The following ZNF621 variants were observed in gnomAD, a reference collection of about 807,000 sequenced individuals.
ZNF621 encodes zinc finger protein 621.
A neutral mutation model predicts 12.7 loss-of-function variants in ZNF621; 6 were observed. The ratio of observed to expected loss-of-function variants is 0.47; its 90% CI spans 0.26 to 0.93. The LOEUF is 0.93. Among genes scored for constraint, ZNF621 ranks in the 40% least tolerant of loss-of-function variants. ZNF621 has a pLI of 0.15. For synonymous variants in ZNF621, 156 were observed against 190.3 expected, an observed-to-expected ratio of 0.82 and a Z score of 1.48; for missense variants, 474 against 524.0, an observed-to-expected ratio of 0.90 and a Z score of 0.93.
At position 40,529,289 on chromosome 3, in the gene ZNF621, CAG is replaced by C. The variant is rs1323148222; in HGVS notation, c.25-26_25-25del. 3 of 1,609,000 alleles carry C rather than the reference CAG, an allele frequency of 1.9e-6. No homozygotes were observed. In the African/African-American group the frequency reaches 4.0e-5, roughly 22 times the overall value. ...TCCCTTCTTCCTTCTACTTCTCACT[CAG>C]AGATTGAGCAGGAACCTGTTGTTTC... On this transcript the variant is annotated intron_variant, in intron 2 of 4. Coordinates refer to ENST00000339296, the MANE Select transcript of ZNF621 (RefSeq NM_198484.5).
rs1698816406 is a variant in ZNF621, at chr3:40,534,569, G to A, written c.*1479G>A. 3 of 150,620 alleles carry A rather than the reference G, an allele frequency of 2.0e-5. No individual in the cohort carries two copies. The South Asian group carries it at 6.2e-4, about 31-fold the overall frequency. 9.3% of individuals were successfully genotyped at this position (150,620 alleles called of 1,614,324 possible). A position where few individuals can be genotyped will look rare whatever the true frequency, so the allele number is the denominator to read the frequency against. On this transcript the variant is annotated 3_prime_UTR_variant, in exon 5 of 5. Transcript: ENST00000339296. ...TCTTGGTTTTTAAACTTTACCATGT[G>A]TCTGAATTACATAGTGTGCTTGTAA... is the stretch of plus-strand genomic sequence containing the variant.
chr3:40,526,670 A>G (rs1698590213), intron 2 of ZNF621, among the ~76,000 whole-genome samples: 3 of 152,180 alleles, frequency 2.0e-5, no homozygotes, highest in South Asian at 2.1e-4. Context: ...AGAAATAGAT[A>G]CCTGTATTAT....
At position 40,530,333 on chromosome 3, in the gene ZNF621, A is replaced by G. The variant is rs757511659; in HGVS notation, c.259+17A>G. ...TCAGTCAAGGTGAGTATGAGAATCCAGTGGTGAAGTTTCTTGTTTTGCCTT... is the reference window on the plus strand; with the variant it reads ...TCAGTCAAGGTGAGTATGAGAATCCGGTGGTGAAGTTTCTTGTTTTGCCTT... On this transcript the variant is annotated intron_variant, in intron 4 of 4. Transcript: ENST00000339296. 2 of 1,601,662 alleles carry G rather than the reference A, an allele frequency of 1.2e-6. No individual in the cohort carries two copies. The highest frequency in any genetic ancestry group is 1.3e-5 in the African/African-American group (1 of 74,462).
upstream of ZNF621, among the ~76,000 whole-genome samples, chr3:40,523,531 C>G (rs747106634): frequency 2.0e-5 from 3 of 152,084 alleles, no homozygotes; most frequent in African/African-American, 7.2e-5. Context: ...TTTGGGAGGC[C>G]GAGGTGCACG....
chr3:40,538,493 C>A lies in ZNF621; in HGVS notation c.*5403C>A. 6.3e-6 allele frequency: 1 copy of A among 157,524 alleles called. No individual in the cohort carries two copies. 9.8% of individuals were successfully genotyped at this position (157,524 alleles called of 1,614,324 possible). On this transcript the variant is annotated 3_prime_UTR_variant, in exon 5 of 5. Transcript: ENST00000339296. ...CACCACTGTGCTTCAGCCTGGGTAA[C>A]AGAGTGAGACTGTCTCAAAAAAAAA...
Position 40,533,282 on chromosome 3 carries a change from A to G in ZNF621, c.*192A>G. On this transcript the variant is annotated 3_prime_UTR_variant, in exon 5 of 5. Transcript: ENST00000339296. Reference sequence around the variant, plus strand: ...CAGACTCTCGAATAGCTGGGATTACAGGCACGCCTCACCACGCCCAGCTAA... The same window carrying G: ...CAGACTCTCGAATAGCTGGGATTACGGGCACGCCTCACCACGCCCAGCTAA... 1.1e-6 allele frequency: 1 copy of G among 918,342 alleles called. No individual in the cohort carries two copies. The highest frequency in any genetic ancestry group is 1.6e-6 in the Non-Finnish European group (1 of 640,220). 56.9% of individuals were successfully genotyped at this position (918,342 alleles called of 1,614,324 possible).
Position 40,532,847 on chromosome 3 carries a change from G to A in ZNF621, c.1077G>A (p.Gln359=), listed in dbSNP as rs748168680. 5 of 1,613,740 alleles carry A rather than the reference G, an allele frequency of 3.1e-6. No homozygotes were observed. Among genetic ancestry groups the A allele is most frequent in the Admixed American group, 1.7e-5 (1 of 59,954 alleles). Residue 359 remains glutamine, a synonymous_variant, in exon 5 of 5, where the codon CAG becomes CAA. Coordinates refer to ENST00000339296, the MANE Select transcript of ZNF621 (RefSeq NM_198484.5). ...KVLGPSLVSP[Q]CSSPAIPPVL... is the part of the protein sequence containing the mutation. ...TTGGGCCATCCCTGGTCAGTCCCCA[G>A]TGCTCCTCTCCAGCCATACCTCCTG...
rs764910226 is a variant in ZNF621 at position 40,530,255 on chromosome 3, A to G, written c.198A>G (p.Arg66=). ...PKPALISHLE[R]GEAPWGPDPW... ...CTGCTCTGATCTCCCACCTGGAGAGAGGGGAAGCACCATGGGGCCCAGATC... is the reference window on the plus strand; with the variant it reads ...CTGCTCTGATCTCCCACCTGGAGAGGGGGGAAGCACCATGGGGCCCAGATC... Residue 66 remains arginine (R), a synonymous_variant, in exon 4 of 5, where the codon AGA becomes AGG. Transcript: ENST00000339296. 6.2e-7 allele frequency: 1 copy of G among 1,613,654 alleles called. No individual in the cohort carries two copies. Among genetic ancestry groups the G allele is most frequent in the South Asian group, 1.1e-5 (1 of 91,014 alleles).
chr3:40,535,952 GTAGC>G lies in ZNF621; in HGVS notation c.*2865_*2868del. 2 of 152,162 alleles carry G rather than the reference GTAGC, an allele frequency of 1.3e-5. No homozygotes were observed. Among genetic ancestry groups the G allele is most frequent in the South Asian group, 4.1e-4 (2 of 4,820 alleles). The allele number at this position is 152,162 out of a possible 1,614,324, so 9.4% of individuals were successfully genotyped here. A position where few individuals can be genotyped will look rare whatever the true frequency, so the allele number is the denominator to read the frequency against. ...TGTATAGAGAGGCAAAGGACACAGA[GTAGC>G]TAACCTAGTTTTGAAGAACAAGATG... On this transcript the variant is annotated 3_prime_UTR_variant, in exon 5 of 5. Transcript: ENST00000339296.
rs1352822874 is a variant in ZNF621 at position 40,532,099 on chromosome 3, A to G, written c.329A>G (p.His110Arg). ...KQEASEETEL[H>R]RMPVGGLLRN... is the part of the protein sequence containing the mutation. ...GAAGCCTCTGAAGAAACAGAGTTGC[A>G]CAGAATGCCAGTAGGAGGACTTCTC... The change falls in exon 5 of 5, where the codon CAC becomes CGC. Residue 110 changes from histidine to arginine, a missense_variant. By Grantham distance (29) the His-to-Arg change is conservative. Transcript: ENST00000339296. 6 of 1,614,050 alleles carry G rather than the reference A, an allele frequency of 3.7e-6. No homozygotes were observed. Among genetic ancestry groups the G allele is most frequent in the Admixed American group, 1.7e-5 (1 of 60,006 alleles).
At chr3:40,526,849 T>A (rs1019709018) in intron 2 of ZNF621, among the ~76,000 whole-genome samples, 7 of 152,154 alleles carry the variant, frequency 4.6e-5, no homozygotes, top group Non-Finnish European at 8.8e-5. Context: ...TATTAAGTGT[T>A]GTCCTTTTAT....
upstream of ZNF621, among the ~76,000 whole-genome samples, chr3:40,523,179 AGT>A (rs1698496418): frequency 6.6e-6 from 1 of 152,148 alleles, no homozygotes; most frequent in Non-Finnish European, 1.5e-5. Context: ...AGAGATAATA[AGT>A]GTGTTTTGTT....
intron 4 of ZNF621, among the ~76,000 whole-genome samples, chr3:40,531,559 G>T (rs1208450888): frequency 6.6e-6 from 1 of 151,900 alleles, no homozygotes; most frequent in Admixed American, 6.6e-5. Flanking sequence ...CCAATTCTAT[G>T]TCATTATTTT....
intron 2 of ZNF621, among the ~76,000 whole-genome samples, chr3:40,527,297 G>A (rs375414791): frequency 6.6e-6 from 1 of 151,842 alleles, no homozygotes; most frequent in East Asian, 1.9e-4. Context: ...GATTACAGGC[G>A]TGAGCCACTG....
intron 4 of ZNF621, 119 bp downstream of exon 4, chr3:40,530,435 T>C (rs1698697857): frequency 5.1e-6 from 4 of 782,496 alleles, no homozygotes; most frequent in Admixed American, 5.1e-5. Flanking sequence ...CGATACTCAC[T>C]GTACTCTCTG....
In ZNF621 at chr3:40,538,785, C is replaced by T. The variant is rs1220976317; in HGVS notation, c.*5695C>T. On this transcript the variant is annotated 3_prime_UTR_variant, in exon 5 of 5. Transcript: ENST00000339296. ...GGAAAGGATTCATCATTCTAGATGC[C>T]ATTAAGGACATTTGTGATTCATGGG... is the stretch of plus-strand genomic sequence containing the variant. 6 of 152,456 alleles carry T rather than the reference C, an allele frequency of 3.9e-5. No individual in the cohort carries two copies. The highest frequency in any genetic ancestry group is 8.8e-5 in the Non-Finnish European group (6 of 68,302). The allele number at this position is 152,456 out of a possible 1,614,324, so 9.4% of individuals were successfully genotyped here.
At chr3:40,527,750 A>G (rs567880581) in intron 2 of ZNF621, among the ~76,000 whole-genome samples, 1 of 149,462 alleles carries the variant, frequency 6.7e-6, no homozygotes, top group African/African-American at 2.4e-5. Flanking sequence ...AAGAATGGAA[A>G]TGCTTTTTTT....
rs561288003 is a variant in ZNF621, at chr3:40,538,191, C to T, written c.*5101C>T. On this transcript the variant is annotated 3_prime_UTR_variant, in exon 5 of 5. Transcript: ENST00000339296. The stretch of plus-strand genomic sequence containing the variant: ...GCATGGATTACTGAATATTTTAAGC[C>T]CACTGTTGAGACCTACTAAATATTA... 5 of 366,692 alleles carry T rather than the reference C, an allele frequency of 1.4e-5. No homozygotes were observed. Among genetic ancestry groups the T allele is most frequent in the South Asian group, 1.0e-4 (5 of 49,392 alleles). The allele number at this position is 366,692 out of a possible 1,614,324, so 22.7% of individuals were successfully genotyped here.
At position 40,525,271 on chromosome 3, in the gene ZNF621, C is replaced by T. The variant is rs1698549019; in HGVS notation, c.-66C>T. The T allele has an allele frequency of 6.4e-6, 1 of 155,818 alleles. No homozygotes were observed. Among genetic ancestry groups the T allele is most frequent in the African/African-American group, 2.4e-5 (1 of 41,482 alleles). The allele number at this position is 155,818 out of a possible 1,614,324, so 9.7% of individuals were successfully genotyped here. ...GAACTTGCCCTGACAGCCTCTGGCT[C>T]CCGGTACTGACGTTTCTGATGTTTG... On this transcript the variant is annotated 5_prime_UTR_variant, in exon 1 of 5. Coordinates refer to ENST00000339296, the MANE Select transcript of ZNF621 (RefSeq NM_198484.5).
Sources: gnomAD v4.1 joint callset for allele counts (sites outside exome capture counted in the v4.1 genomes callset) on GRCh38, gnomAD v4.1.1 for gene constraint, MANE v1.5 for transcripts, NCBI Gene and HGNC (gene_info 2026-07-23, HGNC 2026-07-21) for gene names.